Variants in SULF1 observed in about 807,000 individuals in gnomAD.
The protein encoded by SULF1 is extracellular sulfatase Sulf-1.
SULF1 carries 46 observed loss-of-function variants against 110.5 expected under a neutral mutation model. The ratio of observed to expected loss-of-function variants is 0.42; its 90% CI spans 0.33 to 0.53. The LOEUF is 0.53. Ranked by LOEUF, SULF1 falls within the 20% of genes least tolerant of loss-of-function variation. The pLI, the probability that SULF1 is intolerant of heterozygous loss-of-function variation, is 0.12. For missense variants in SULF1, 941 were observed against 1,094.2 expected (o/e 0.86, Z 1.98); for synonymous variants, 371 against 387.1 (o/e 0.96, Z 0.49).
intron 13 of SULF1, among the ~76,000 whole-genome samples, chr8:69,616,197 T>C (rs866976947): frequency 1.2e-4 from 17 of 140,700 alleles, no homozygotes; most frequent in African/African-American, 2.7e-4. Flanking sequence ...TATATACACA[T>C]ATATATGTGT....
intron 19 of SULF1, among the ~76,000 whole-genome samples, chr8:69,630,190 T>C (rs1810408040): frequency 6.6e-6 from 1 of 152,242 alleles, no homozygotes; most frequent in East Asian, 1.9e-4. Context: ...TCTACAAAAT[T>C]ATTTGGTTTT....
intron 18 of SULF1, among the ~76,000 whole-genome samples, chr8:69,628,618 G>A (rs955510190): frequency 1.3e-5 from 2 of 152,214 alleles, no homozygotes; most frequent in African/African-American, 4.8e-5. Flanking sequence ...AATTCTGAAA[G>A]TGGGAAGAAA....
chr8:69,580,131 T>C (rs140010320), intron 6 of SULF1, among the ~76,000 whole-genome samples: 1 of 152,324 alleles, frequency 6.6e-6, no homozygotes, highest in African/African-American at 2.4e-5. Context: ...ATTTTTGGAC[T>C]GGCTATAGCC....
In SULF1 at chr8:69,510,892, C is replaced by T. The variant is rs189323615; in HGVS notation, c.-134+8924C>T. Among the ~76,000 whole-genome samples the T allele has an allele frequency of 4.3e-4, 65 of 151,842 alleles. No individual in the cohort carries two copies. In the East Asian group the frequency reaches 0.01, roughly 24 times the overall value. ...TCAGACTCCCAAAGTGCTGGGATTA[C>T]AGGCGTGAACCACCATGCCCAGCCT... is the stretch of plus-strand genomic sequence containing the variant. On this transcript the variant is annotated intron_variant, in intron 3 of 22. Coordinates refer to ENST00000402687, the MANE Select transcript of SULF1 (RefSeq NM_001128205.2).
intron 3 of SULF1, among the ~76,000 whole-genome samples, chr8:69,546,028 C>T (rs1023957584): frequency 6.6e-6 from 1 of 152,152 alleles, no homozygotes; most frequent in Non-Finnish European, 1.5e-5. Context: ...CCCACACAAT[C>T]CTTTCATTAC....
At chr8:69,531,133 A>G (rs1813053203) in intron 3 of SULF1, among the ~76,000 whole-genome samples, 1 of 152,152 alleles carries the variant, frequency 6.6e-6, no homozygotes, top group Admixed American at 6.6e-5. Flanking sequence ...CTGTATTCTG[A>G]CCCACTAAGC....
At chr8:69,565,097 C>T (rs1815774768) in intron 5 of SULF1, among the ~76,000 whole-genome samples, 1 of 152,186 alleles carries the variant, frequency 6.6e-6, no homozygotes, top group African/African-American at 2.4e-5. Context: ...GGGGACTTTG[C>T]TTTCCCACTT....
intron 7 of SULF1, among the ~76,000 whole-genome samples, chr8:69,588,494 G>A (rs116482748): frequency 9.9e-5 from 15 of 152,090 alleles, no homozygotes; most frequent in East Asian, 3.9e-4. Context: ...ATTCATGGGC[G>A]TGTGTGTGTG....
chr8:69,543,025 A>G (rs982158219), intron 3 of SULF1, among the ~76,000 whole-genome samples: 1 of 152,186 alleles, frequency 6.6e-6, no homozygotes, highest in African/African-American at 2.4e-5. Flanking sequence ...GGGACTTACT[A>G]TGACACGCAT....
At chr8:69,642,862 A>G (rs1242094535) in intron 22 of SULF1, among the ~76,000 whole-genome samples, 3 of 151,750 alleles carry the variant, frequency 2.0e-5, no homozygotes. Context: ...AGCATCTGGG[A>G]CCCTCCCCTT....
intron 3 of SULF1, among the ~76,000 whole-genome samples, chr8:69,554,244 C>T (rs151113490): frequency 4.6e-5 from 7 of 152,216 alleles, no homozygotes; most frequent in Non-Finnish European, 8.8e-5. Context: ...GGTGTTTGTA[C>T]GGAAGAATTC....
chr8:69,614,855 G>C (rs182841234), intron 13 of SULF1, among the ~76,000 whole-genome samples: 1 of 152,212 alleles, frequency 6.6e-6, no homozygotes, highest in Admixed American at 6.5e-5. Flanking sequence ...CATAATTGCT[G>C]TGCAGAAATA....
At chr8:69,658,446 C>A in intron 22 of SULF1, 59 bp from the exon 23 acceptor site, 1 of 1,258,686 alleles carries the variant, frequency 7.9e-7, no homozygotes, top group South Asian at 1.4e-5. Flanking sequence ...AGTTGCTTGT[C>A]CAGGTAAGTA....
intron 7 of SULF1, among the ~76,000 whole-genome samples, chr8:69,587,256 C>T (rs903229068): frequency 5.3e-5 from 8 of 152,166 alleles, no homozygotes; most frequent in African/African-American, 1.9e-4. Context: ...ATCCCCTTCC[C>T]TTCCAGCCAT....
intron 3 of SULF1, among the ~76,000 whole-genome samples, chr8:69,550,780 T>C (rs937600578): frequency 2.0e-5 from 3 of 152,154 alleles, no homozygotes; most frequent in Admixed American, 1.3e-4. Flanking sequence ...GTGATAAGAA[T>C]TGAGGTAGAT....
At position 69,469,217 on chromosome 8, in the gene SULF1, A is replaced by G. The variant is rs189519971; in HGVS notation, c.-391+2267A>G. 2.0e-5 allele frequency: 3 copies of G among 152,322 alleles called. No individual in the cohort carries two copies. In the East Asian group the frequency reaches 5.8e-4, roughly 29 times the overall value. 9.4% of individuals were successfully genotyped at this position (152,322 alleles called of 1,614,324 possible). On this transcript the variant is annotated intron_variant, in intron 1 of 22. Transcript: ENST00000260128. ...CAGAGACATATTTATGGCGACCTCT[A>G]CATACCTCAGTTTGACATTTGGTTT...
chr8:69,627,878 T>C lies in SULF1; in HGVS notation c.2042+12T>C, dbSNP rs751898894. On this transcript the variant is annotated intron_variant, in intron 17 of 22. Transcript: ENST00000402687. ...TGCAGTAAACAAAGGTGAGCTTGTT[T>C]CCATCCATGCTCCACTTTCCAAATT... 3.1e-6 allele frequency: 5 copies of C among 1,599,948 alleles called. No homozygotes were observed. In the African/African-American group the frequency reaches 6.7e-5, roughly 21 times the overall value.
intron 19 of SULF1, 116 bp from the exon 20 acceptor site, chr8:69,638,386 A>T: frequency 8.2e-7 from 1 of 1,215,030 alleles, no homozygotes; most frequent in Non-Finnish European, 1.1e-6. Flanking sequence ...CACAATATTT[A>T]TAAGAAAGAA....
rs548253608 is a variant in SULF1, at chr8:69,514,495, G to A, written c.-134+12527G>A. Among the ~76,000 whole-genome samples, 17 of 152,292 alleles carry A rather than the reference G, an allele frequency of 1.1e-4. No homozygotes were observed. The South Asian group carries it at 3.5e-3, about 32-fold the overall frequency. On this transcript the variant is annotated intron_variant, in intron 3 of 22. Coordinates refer to ENST00000402687, the MANE Select transcript of SULF1 (RefSeq NM_001128205.2). The stretch of plus-strand genomic sequence containing the variant: ...GGATCACAGTTCAATATGAGATTTG[G>A]GTGGGGGTACAGAGTCAAGCCACAT...
Sources: gnomAD v4.1 joint callset for allele counts (sites outside exome capture counted in the v4.1 genomes callset) on GRCh38, gnomAD v4.1.1 for gene constraint, MANE v1.5 for transcripts, NCBI Gene and HGNC (gene_info 2026-07-23, HGNC 2026-07-21) for gene names.